CPXM2: variants seen among roughly 807,000 people sequenced by gnomAD.
CPXM2 encodes inactive carboxypeptidase-like protein X2.
A neutral mutation model predicts 86.1 loss-of-function variants in CPXM2; 66 were observed. The observed-to-expected ratio is 0.77, with a 90% CI of 0.63 to 0.94. The LOEUF (loss-of-function observed/expected upper bound fraction) is 0.94, where lower values mean the gene tolerates loss of function less well. Among genes scored for constraint, CPXM2 ranks in the 40% least tolerant of loss-of-function variants. CPXM2 has a pLI of 0.00. For synonymous variants in CPXM2, 388 were observed against 400.2 expected (o/e 0.97, Z 0.36); for missense variants, 948 against 1,026.3 (o/e 0.92, Z 1.04).
At chr10:123,778,047 C>T (rs1450914533) in intron 7 of CPXM2, among the ~76,000 whole-genome samples, 2 of 152,166 alleles carry the variant, frequency 1.3e-5, no homozygotes, top group Non-Finnish European at 2.9e-5. Flanking sequence ...TCCTCTCCTC[C>T]TCCCTTCTCC....
intron 4 of CPXM2, among the ~76,000 whole-genome samples, chr10:123,833,316 TA>T (rs912760637): frequency 6.6e-6 from 1 of 152,200 alleles, no homozygotes; most frequent in African/African-American, 2.4e-5. Context: ...CTTTTATTTT[TA>T]AAAAGTTCCT....
At chr10:123,942,768 G>T (rs1381414229), upstream of CPXM2, among the ~76,000 whole-genome samples, 1 of 152,140 alleles carries the variant, frequency 6.6e-6, no homozygotes, top group African/African-American at 2.4e-5. Context: ...TCTCTATAAA[G>T]TTGCTTTCAC....
chr10:123,821,432 A>G (rs1426452024), intron 4 of CPXM2, among the ~76,000 whole-genome samples: 1 of 152,246 alleles, frequency 6.6e-6, no homozygotes, highest in African/African-American at 2.4e-5. Context: ...ACTGGCAAGA[A>G]CTGACAGGTC....
At chr10:123,838,351 C>T (rs1180739376) in intron 4 of CPXM2, among the ~76,000 whole-genome samples, 2 of 152,152 alleles carry the variant, frequency 1.3e-5, no homozygotes, top group Non-Finnish European at 2.9e-5. Flanking sequence ...ATCCCAGCTA[C>T]TCAAGAAGCT....
At chr10:123,901,740 T>C (rs1945383449) in intron 2 of CPXM2, among the ~76,000 whole-genome samples, 1 of 152,036 alleles carries the variant, frequency 6.6e-6, no homozygotes, top group African/African-American at 2.4e-5. Flanking sequence ...AAACAATACC[T>C]CTGTTTAACT....
intron 2 of CPXM2, among the ~76,000 whole-genome samples, chr10:123,912,276 G>A (rs1945495215): frequency 6.9e-6 from 1 of 145,176 alleles, no homozygotes; most frequent in Non-Finnish European, 1.5e-5. Flanking sequence ...CACTCCTAGT[G>A]CGTGTGTGTG....
At chr10:123,773,511 A>G (rs928776522) in intron 7 of CPXM2, among the ~76,000 whole-genome samples, 1 of 152,258 alleles carries the variant, frequency 6.6e-6, no homozygotes, top group Non-Finnish European at 1.5e-5. Context: ...TTGAGGAGAC[A>G]GACTCAGCCT....
intron 1 of CPXM2, among the ~76,000 whole-genome samples, chr10:123,881,369 G>A (rs1054236062): frequency 6.6e-6 from 1 of 151,676 alleles, no homozygotes; most frequent in Non-Finnish European, 1.5e-5. Context: ...CACTTTGATG[G>A]AAGTTGATAG....
At chr10:123,864,193 G>T (rs1848926239) in intron 2 of CPXM2, among the ~76,000 whole-genome samples, 1 of 152,056 alleles carries the variant, frequency 6.6e-6, no homozygotes, top group Non-Finnish European at 1.5e-5. Flanking sequence ...GACACAGTCA[G>T]CATTCTCAGG....
At chr10:123,895,762 C>T (rs566721896), upstream of CPXM2, among the ~76,000 whole-genome samples, 1 of 152,286 alleles carries the variant, frequency 6.6e-6, no homozygotes, top group African/African-American at 2.4e-5. Flanking sequence ...CCAGACACAC[C>T]AGTCGGGGGT....
intron 3 of CPXM2, among the ~76,000 whole-genome samples, chr10:123,842,820 C>A (rs751884364): frequency 6.6e-6 from 1 of 152,160 alleles, no homozygotes; most frequent in Non-Finnish European, 1.5e-5. Context: ...GTGCTGGGGA[C>A]GCAAAGGTGA....
At chr10:123,849,813 G>C (rs1848565574) in intron 3 of CPXM2, among the ~76,000 whole-genome samples, 1 of 152,138 alleles carries the variant, frequency 6.6e-6, no homozygotes. Context: ...ATACAGAAAA[G>C]TGTGCAAATC....
chr10:123,766,880 G>A, intron 10 of CPXM2, 93 bp downstream of exon 10: 1 of 1,026,494 alleles, frequency 9.7e-7, no homozygotes, highest in Non-Finnish European at 1.5e-6. Context: ...AAACAGTTTT[G>A]TCTCTTTCTT....
upstream of CPXM2, among the ~76,000 whole-genome samples, chr10:123,941,682 C>T (rs982788581): frequency 6.6e-6 from 1 of 152,132 alleles, no homozygotes; most frequent in Non-Finnish European, 1.5e-5. Context: ...GAACGTAAGA[C>T]CCTCCCACCT....
intron 2 of CPXM2, among the ~76,000 whole-genome samples, chr10:123,903,000 G>A (rs1945398311): frequency 6.6e-6 from 1 of 152,198 alleles, no homozygotes; most frequent in African/African-American, 2.4e-5. Flanking sequence ...AGTACCCTCT[G>A]GCACTTCCCT....
Position 123,891,687 on chromosome 10 carries a change from G to T in CPXM2, c.-28C>A. 7.5e-7 allele frequency: 1 copy of T among 1,331,554 alleles called. No homozygotes were observed. Among genetic ancestry groups the T allele is most frequent in the Non-Finnish European group, 9.6e-7 (1 of 1,042,000 alleles). The allele number at this position is 1,331,554 out of a possible 1,614,324, so 82.5% of individuals were successfully genotyped here. A position where few individuals can be genotyped will look rare whatever the true frequency, so the allele number is the denominator to read the frequency against. On this transcript the variant is annotated 5_prime_UTR_variant, in exon 1 of 14. Transcript: ENST00000241305. The surrounding 1 kb of genome is among the most constrained non-coding windows in gnomAD (Gnocchi z 5.6). ...CTGCTCCGCCCCGCGCCCAGGGCAG[G>T]GTCACGGTCACCGGGGGCGCCGGGC...
At chr10:123,820,708 G>C (rs1351372203) in intron 4 of CPXM2, among the ~76,000 whole-genome samples, 1 of 152,128 alleles carries the variant, frequency 6.6e-6, no homozygotes, top group African/African-American at 2.4e-5. Flanking sequence ...GCCTTTTCCA[G>C]CTTCCAGAGG....
At position 123,873,856 on chromosome 10, in the gene CPXM2, CTTTTTTTTT is replaced by C. The variant is rs56223052; in HGVS notation, c.403+6346_403+6354del. 6.6e-5 allele frequency among the ~76,000 whole-genome samples: 7 copies of C among 105,288 alleles called. No individual in the cohort carries two copies. The East Asian group carries it at 1.7e-3, about 26-fold the overall frequency. 69.1% of individuals were successfully genotyped at this position (105,288 alleles called of 152,430 possible). A position where few individuals can be genotyped will look rare whatever the true frequency, so the allele number is the denominator to read the frequency against. On this transcript the variant is annotated intron_variant, in intron 2 of 13. Transcript: ENST00000241305. ...CAACAGAAATTTATTTCTCACATTT[CTTTTTTTTT>C]TTTTTTTTTTTTGAGACAGAGTCTC...
At chr10:123,752,156 TTTCATGCA>T in intron 13 of CPXM2, 1 of 985,412 alleles carries the variant, frequency 1.0e-6, no homozygotes, top group Non-Finnish European at 1.2e-6. Flanking sequence ...TCACACAGCC[TTTCATGCA>T]TAATGATCGC....
Sources: gnomAD v4.1 joint callset for allele counts (sites outside exome capture counted in the v4.1 genomes callset) on GRCh38, gnomAD v4.1.1 for gene constraint, Gnocchi (gnomAD v3.1) non-coding constraint, MANE v1.5 for transcripts, NCBI Gene and HGNC (gene_info 2026-07-23, HGNC 2026-07-21) for gene names.